RGS12: variants seen among roughly 807,000 people sequenced by gnomAD.
RGS12 encodes the protein regulator of G protein signaling 12, also known as regulator of G-protein signaling 12.
Under a neutral mutation model 120.1 loss-of-function variants are expected in RGS12, and 66 were observed. The ratio of observed to expected loss-of-function variants is 0.55; its 90% CI spans 0.45 to 0.67. The LOEUF (loss-of-function observed/expected upper bound fraction) is 0.67, where lower values mean the gene tolerates loss of function less well. Among genes scored for constraint, RGS12 ranks in the 30% least tolerant of loss-of-function variants. The probability of loss-of-function intolerance (pLI) is 0.00; values close to 1 mark genes in which losing one functional copy is unlikely to be tolerated. For synonymous variants in RGS12, 827 were observed against 804.7 expected (o/e 1.03, Z -0.47); for missense variants, 1,859 against 1,957.7 (o/e 0.95, Z 0.95).
At chr4:3,341,047 G>T (rs1713032718) in intron 2 of RGS12, among the ~76,000 whole-genome samples, 1 of 151,294 alleles carries the variant, frequency 6.6e-6, no homozygotes, top group African/African-American at 2.4e-5. Flanking sequence ...CCTGGTGGGG[G>T]CCCAGTGGTG....
At chr4:3,289,821 C>T (rs1722973913), upstream of RGS12, among the ~76,000 whole-genome samples, 3 of 152,164 alleles carry the variant, frequency 2.0e-5, no homozygotes, top group Non-Finnish European at 4.4e-5. Context: ...CAATTCCTAC[C>T]CACCCACAGC....
At position 3,430,489 on chromosome 4, in the gene RGS12, G is replaced by A; in HGVS notation, c.3648G>A (p.Leu1216=). The A allele has an allele frequency of 1.2e-6, 2 of 1,613,846 alleles. No homozygotes were observed. The highest frequency in any genetic ancestry group is 2.2e-5 in the South Asian group (2 of 91,082). ...RGLLRKEDLV[L]PEFLRLPPGS... is the part of the protein sequence containing the mutation. ...TGCTAAGGAAGGAAGACCTGGTGTT[G>A]CCAGAGTTCCTCCGTTTACCTCCTG... Residue 1216 remains leucine (L), a synonymous_variant, in exon 17 of 18, where the codon TTG becomes TTA. Transcript: ENST00000336727.
chr4:3,378,248 T>C (rs572094638), intron 3 of RGS12: 4 of 152,188 alleles, frequency 2.6e-5, no homozygotes, highest in East Asian at 1.9e-4. Flanking sequence ...TCGCACACCA[T>C]ACACAAACAT....
At chr4:3,436,928 GC>G (rs1453462163) in intron 17 of RGS12, among the ~76,000 whole-genome samples, 1 of 152,242 alleles carries the variant, frequency 6.6e-6, no homozygotes, top group Non-Finnish European at 1.5e-5. Context: ...GGCCCAAGCG[GC>G]AGGGAACAAG....
intron 4 of RGS12, among the ~76,000 whole-genome samples, chr4:3,399,894 G>C (rs1720408755): frequency 6.6e-6 from 1 of 152,254 alleles, no homozygotes; most frequent in South Asian, 2.1e-4. Context: ...CCAGGAGCCA[G>C]GCTATTGGAG....
intron 1 of RGS12, among the ~76,000 whole-genome samples, chr4:3,296,467 G>A (rs1723387970): frequency 6.6e-6 from 1 of 152,098 alleles, no homozygotes; most frequent in African/African-American, 2.4e-5. Context: ...TGGGATTGCA[G>A]GCACGAGCCA....
intron 16 of RGS12, among the ~76,000 whole-genome samples, chr4:3,429,002 C>G (rs906424291): frequency 6.6e-6 from 1 of 152,236 alleles, no homozygotes. Context: ...CTCCCTCTCA[C>G]CCCAGCTCCT....
intron 2 of RGS12, among the ~76,000 whole-genome samples, chr4:3,319,013 G>A (rs771782572): frequency 6.0e-4 from 91 of 152,230 alleles, no homozygotes; most frequent in Non-Finnish European, 3.5e-4. Context: ...ACCCTCTAAG[G>A]CTGCTGGCTG....
chr4:3,437,018 G>A (rs999640419), intron 17 of RGS12, among the ~76,000 whole-genome samples: 6 of 152,202 alleles, frequency 3.9e-5, no homozygotes, highest in Admixed American at 1.3e-4. Context: ...CCCTCTGGAG[G>A]TGGTGCAGGC....
chr4:3,339,107 G>C (rs1712790022), intron 2 of RGS12, among the ~76,000 whole-genome samples: 1 of 152,168 alleles, frequency 6.6e-6, no homozygotes, highest in Admixed American at 6.5e-5. Context: ...ATCCACGTGT[G>C]GGCAGGCGTC....
chr4:3,358,075 G>T (rs945334597), intron 3 of RGS12, among the ~76,000 whole-genome samples: 1 of 152,152 alleles, frequency 6.6e-6, no homozygotes, highest in South Asian at 2.1e-4. Context: ...CCTTGGTTCA[G>T]TTAATTCCTC....
chr4:3,386,619 G>C (rs979873812), intron 4 of RGS12, among the ~76,000 whole-genome samples, 182 bp downstream of exon 4: 1 of 152,232 alleles, frequency 6.6e-6, no homozygotes, highest in East Asian at 1.9e-4. Context: ...AGGTGGCCTC[G>C]GCGTGTGTTT....
At chr4:3,383,147 G>A (rs1718443924) in intron 3 of RGS12, among the ~76,000 whole-genome samples, 1 of 152,150 alleles carries the variant, frequency 6.6e-6, no homozygotes, top group African/African-American at 2.4e-5. Context: ...TGGCTGAGCT[G>A]GATGGAGGAT....
At chr4:3,373,182 C>T (rs959003175) in intron 3 of RGS12, among the ~76,000 whole-genome samples, 7 of 152,186 alleles carry the variant, frequency 4.6e-5, no homozygotes, top group African/African-American at 1.4e-4. Flanking sequence ...GCTGGCGACA[C>T]GCAGCAGTCA....
intron 4 of RGS12, among the ~76,000 whole-genome samples, chr4:3,397,288 T>C (rs1396964260): frequency 6.6e-6 from 1 of 152,188 alleles, no homozygotes; most frequent in African/African-American, 2.4e-5. Context: ...GATGCCACAC[T>C]GGCTGCGATA....
chr4:3,316,373 A>G lies in RGS12; in HGVS notation c.203A>G (p.Asn68Ser), dbSNP rs150642965. ...GCTGGAGACCAGATACTTGCTGTCA[A>G]TGAAATCAACGTGAAAAAAGCATCT... ...LRAGDQILAV[N>S]EINVKKASHE... The change falls in exon 2 of 18, where the codon AAT (asparagine) becomes AGT (serine). Residue 68 changes from asparagine to serine, a missense_variant. Around this residue, in one of 3 missense-constraint regions of RGS12, gnomAD observed 967 missense variants for 994.2 expected, o/e 0.97. Coordinates refer to ENST00000336727, the MANE Select transcript of RGS12 (RefSeq NM_001394154.1). 7.9e-4 allele frequency: 1,279 copies of G among 1,613,762 alleles called. 3 individuals are homozygous for G. The highest frequency in any genetic ancestry group is 1.0e-3 in the Non-Finnish European group (1,189 of 1,179,824).
chr4:3,301,386 CAGT>C (rs2110357723), intron 1 of RGS12, among the ~76,000 whole-genome samples: 1 of 152,314 alleles, frequency 6.6e-6, no homozygotes, highest in African/African-American at 2.4e-5. Flanking sequence ...GAACACAAAA[CAGT>C]GGTGGAACCC....
intron 3 of RGS12, among the ~76,000 whole-genome samples, chr4:3,353,879 C>G (rs1714624008): frequency 6.6e-6 from 1 of 152,046 alleles, no homozygotes. Context: ...ACCCTAAGTT[C>G]AACAAAACCA....
chr4:3,380,112 C>T (rs1482229251), intron 3 of RGS12, among the ~76,000 whole-genome samples: 1 of 152,252 alleles, frequency 6.6e-6, no homozygotes, highest in Admixed American at 6.5e-5. Flanking sequence ...TCTATATCCC[C>T]ATTCCAAATG....
Sources: gnomAD v4.1 joint callset for allele counts (sites outside exome capture counted in the v4.1 genomes callset) on GRCh38, gnomAD v4.1.1 for gene constraint, gnomAD v4.1.1 regional missense constraint, MANE v1.5 for transcripts, NCBI Gene and HGNC (gene_info 2026-07-23, HGNC 2026-07-21) for gene names.